The following CABIN1 variants were observed in gnomAD, a reference collection of about 807,000 sequenced individuals.
CABIN1 encodes calcineurin-binding protein cabin-1.
CABIN1 carries 133 observed loss-of-function variants against 227.7 expected under a neutral mutation model. The ratio of observed to expected loss-of-function variants is 0.58; its 90% CI spans 0.51 to 0.67. The LOEUF is 0.67. CABIN1 is among the 30% of genes least tolerant of loss of function. The pLI is 0.00. For synonymous variants in CABIN1, 1,086 were observed against 1,155.1 expected (o/e 0.94, Z 1.21); for missense variants, 2,408 against 2,852.5 (o/e 0.84, Z 3.55).
intron 3 of CABIN1, among the ~76,000 whole-genome samples, chr22:24,037,501 C>T (rs2037010086): frequency 6.6e-6 from 1 of 151,840 alleles, no homozygotes; most frequent in Non-Finnish European, 1.5e-5. Flanking sequence ...AGACAGGGGT[C>T]TCTCTATGTG....
At chr22:24,134,176 T>A in intron 28 of CABIN1, 126 bp from the exon 29 acceptor site, 1 of 702,896 alleles carries the variant, frequency 1.4e-6, no homozygotes, top group Non-Finnish European at 2.6e-6. Flanking sequence ...GTGGAATCGA[T>A]GTCTGCAGGA....
At chr22:24,029,170 A>G (rs1043945574) in intron 1 of CABIN1, among the ~76,000 whole-genome samples, 5 of 152,162 alleles carry the variant, frequency 3.3e-5, no homozygotes, top group Non-Finnish European at 7.4e-5. Flanking sequence ...CCTGGCTAAC[A>G]TGGTGAAACC....
intron 9 of CABIN1, 33 bp from the exon 10 acceptor site, chr22:24,056,159 C>T (rs749258367): frequency 9.4e-6 from 15 of 1,600,024 alleles, no homozygotes; most frequent in East Asian, 2.2e-5. Flanking sequence ...TCCCTGCCAC[C>T]GTGTAAGATT....
At chr22:24,055,297 C>T in intron 9 of CABIN1, 138 bp downstream of exon 9, 1 of 1,049,598 alleles carries the variant, frequency 9.5e-7, no homozygotes, top group Non-Finnish European at 1.4e-6. Flanking sequence ...AGTGGGAGCC[C>T]CCAGCCCTAG....
chr22:24,130,614 C>CAG (rs1430439625), intron 28 of CABIN1, among the ~76,000 whole-genome samples: 1 of 152,128 alleles, frequency 6.6e-6, no homozygotes, highest in Admixed American at 6.5e-5. Flanking sequence ...TTCCCCCTTG[C>CAG]AGAGGTTCAG....
chr22:24,038,256 C>T (rs1601724330), intron 3 of CABIN1, 92 bp from the exon 4 acceptor site: 2 of 952,308 alleles, frequency 2.1e-6, no homozygotes, highest in East Asian at 2.4e-5. Context: ...ATGGTTGGTT[C>T]CTCTGACTGT....
chr22:24,117,486 C>T (rs970747077), intron 27 of CABIN1, among the ~76,000 whole-genome samples: 3 of 152,050 alleles, frequency 2.0e-5, no homozygotes, highest in African/African-American at 4.8e-5. Context: ...AGGCGTGAGC[C>T]ACCACGCCCA....
chr22:24,178,007 G>A lies in CABIN1; in HGVS notation c.6520-46G>A, dbSNP rs199816887. ...GAAGGTGGCAGAGGGGCTTGGGGCAGAGCCCAGCCATCCTTGACCAGTGCC... is the reference window on the plus strand; with the variant it reads ...GAAGGTGGCAGAGGGGCTTGGGGCAAAGCCCAGCCATCCTTGACCAGTGCC... On this transcript the variant is annotated intron_variant, in intron 36 of 36. Coordinates refer to ENST00000263119, the MANE Select transcript of CABIN1 (RefSeq NM_012295.4). 6.0e-4 allele frequency: 972 copies of A among 1,611,042 alleles called. 4 individuals carry two copies. Among genetic ancestry groups the A allele is most frequent in the East Asian group, 3.4e-3 (151 of 44,878 alleles).
At chr22:24,120,559 C>T (rs138545382) in intron 28 of CABIN1, among the ~76,000 whole-genome samples, 41 of 152,264 alleles carry the variant, frequency 2.7e-4, no homozygotes, top group Admixed American at 2.0e-3. Flanking sequence ...TGGTGGCTCA[C>T]GCCTGTAATC....
Position 24,160,521 on chromosome 22 carries a change from TG to T in CABIN1, c.4747-3875del, listed in dbSNP as rs1350453433. 2.0e-5 allele frequency: 3 copies of T among 152,384 alleles called. No individual in the cohort carries two copies. The East Asian group carries it at 5.8e-4, about 29-fold the overall frequency. The allele number at this position is 152,384 out of a possible 1,614,324, so 9.4% of individuals were successfully genotyped here. On this transcript the variant is annotated intron_variant, in intron 29 of 36. Transcript: ENST00000263119. ...CAAGCAGTGACCCAGCAGCCAGCAGTGGGGTTTACAATGAGAATCAGAACAG... is the reference window on the plus strand; with the variant it reads ...CAAGCAGTGACCCAGCAGCCAGCAGTGGGTTTACAATGAGAATCAGAACAG...
intron 18 of CABIN1, among the ~76,000 whole-genome samples, chr22:24,073,567 C>CTAGGA (rs199775829): frequency 0.012 from 1,864 of 152,260 alleles, 33 homozygotes; most frequent in African/African-American, 0.043. Context: ...GGCTCTGTGG[C>CTAGGA]TAGGATACCT....
At chr22:24,037,085 C>T (rs561587771) in intron 3 of CABIN1, among the ~76,000 whole-genome samples, 1 of 152,036 alleles carries the variant, frequency 6.6e-6, no homozygotes, top group South Asian at 2.1e-4. Context: ...CATGGTGAAA[C>T]CCCGTCTCTA....
intron 18 of CABIN1, among the ~76,000 whole-genome samples, chr22:24,075,415 C>T (rs2040370669): frequency 6.6e-6 from 1 of 152,088 alleles, no homozygotes; most frequent in Admixed American, 6.5e-5. Flanking sequence ...AGTTCTTTTT[C>T]CTCCTGTTTT....
intron 6 of CABIN1, among the ~76,000 whole-genome samples, chr22:24,045,793 TAA>T (rs34500429): frequency 1.3e-5 from 2 of 152,190 alleles, no homozygotes; most frequent in African/African-American, 4.8e-5. Flanking sequence ...CTCTTCCTTT[TAA>T]AAAGACAAAT....
At chr22:24,137,508 C>T (rs1412204349) in intron 29 of CABIN1, among the ~76,000 whole-genome samples, 2 of 152,258 alleles carry the variant, frequency 1.3e-5, no homozygotes, top group East Asian at 3.8e-4. Context: ...CACCTGGAAG[C>T]CCCTGAAGAT....
intron 29 of CABIN1, among the ~76,000 whole-genome samples, chr22:24,142,723 GC>G (rs1350822201): frequency 6.6e-6 from 1 of 152,176 alleles, no homozygotes; most frequent in Admixed American, 6.5e-5. Flanking sequence ...AATTCCTGGT[GC>G]CCCACACCAC....
Position 24,041,236 on chromosome 22 carries a change from G to A in CABIN1, c.308G>A (p.Arg103Gln), listed in dbSNP as rs377572494. ...AACTTGGCCCAGCTGGCAGCCCAGC[G>A]GGAGGATCTGGAGACAGCCATGGAG... ...YKNLAQLAAQ[R>Q]EDLETAMEFY... The change falls in exon 5 of 37, where the codon CGG (arginine) becomes CAG (glutamine). Residue 103 changes from arginine to glutamine, a missense_variant. Arg to Gln is a conservative substitution (Grantham distance 43). Around this residue, in one of 3 missense-constraint regions of CABIN1, gnomAD observed 1,045 missense variants for 1,168.4 expected, o/e 0.89. Transcript: ENST00000263119. 59 of 1,614,194 alleles carry A rather than the reference G, an allele frequency of 3.7e-5. 2 individuals carry two copies. In the South Asian group the frequency reaches 5.7e-4, roughly 16 times the overall value.
At chr22:24,164,795 T>C (rs2046354982) in intron 30 of CABIN1, among the ~76,000 whole-genome samples, 1 of 152,098 alleles carries the variant, frequency 6.6e-6, no homozygotes, top group African/African-American at 2.4e-5. Context: ...CTGATCCTGG[T>C]TCCACGTTGA....
chr22:24,017,170 G>A (rs1369573764), intron 1 of CABIN1, among the ~76,000 whole-genome samples: 2 of 151,146 alleles, frequency 1.3e-5, no homozygotes, highest in African/African-American at 4.9e-5. Context: ...CCGAGTAGCT[G>A]GGACTACAGG....
Sources: gnomAD v4.1 joint callset for allele counts (sites outside exome capture counted in the v4.1 genomes callset) on GRCh38, gnomAD v4.1.1 for gene constraint, gnomAD v4.1.1 regional missense constraint, MANE v1.5 for transcripts, NCBI Gene and HGNC (gene_info 2026-07-23, HGNC 2026-07-21) for gene names.